EIPR1: variants seen among roughly 807,000 people sequenced by gnomAD.
EIPR1 encodes EARP and GARP complex-interacting protein 1.
In EIPR1, 25 loss-of-function variants were observed where a neutral mutation model predicts 48.1. The observed-to-expected ratio is 0.52, with a 90% CI of 0.38 to 0.73. The LOEUF (loss-of-function observed/expected upper bound fraction) is 0.73, where lower values mean the gene tolerates loss of function less well. Ranked by LOEUF, EIPR1 falls within the 30% of genes least tolerant of loss-of-function variation. The pLI, the probability that EIPR1 is intolerant of heterozygous loss-of-function variation, is 0.00. For missense variants in EIPR1, 415 were observed against 506.2 expected, an observed-to-expected ratio of 0.82 and a Z score of 1.73; for synonymous variants, 204 against 201.9, an observed-to-expected ratio of 1.01 and a Z score of -0.09.
At chr2:3,257,174 C>T (rs1252293150) in intron 4 of EIPR1, 125 bp downstream of exon 4, 3 of 1,126,330 alleles carry the variant, frequency 2.7e-6, no homozygotes, top group Non-Finnish European at 3.6e-6. Context: ...ATTCTCGCAG[C>T]TTTTTAAAAG....
chr2:3,246,239 A>G (rs905960601), intron 4 of EIPR1, among the ~76,000 whole-genome samples: 1 of 152,224 alleles, frequency 6.6e-6, no homozygotes, highest in Admixed American at 6.5e-5. Context: ...CAACATTTAC[A>G]AAATGGGAAG....
chr2:3,194,765 C>G (rs1407988689), intron 6 of EIPR1, among the ~76,000 whole-genome samples: 2 of 150,100 alleles, frequency 1.3e-5, no homozygotes, highest in Non-Finnish European at 3.0e-5. Context: ...TAGATATATA[C>G]AGAGAGAGAG....
chr2:3,288,458 C>T lies in EIPR1; in HGVS notation c.260-31003G>A, dbSNP rs575032589. 8.5e-5 allele frequency among the ~76,000 whole-genome samples: 13 copies of T among 152,230 alleles called. No homozygotes were observed. In the East Asian group the frequency reaches 9.6e-4, roughly 11 times the overall value. On this transcript the variant is annotated intron_variant, in intron 3 of 8. Coordinates refer to ENST00000382125, the MANE Select transcript of EIPR1 (RefSeq NM_003310.5). ...ACGTGGCTGGGGCTGCTGGGGTGTCCGGAAAGTTCTTTTGCTTCTCTGACA... is the reference window on the plus strand; with the variant it reads ...ACGTGGCTGGGGCTGCTGGGGTGTCTGGAAAGTTCTTTTGCTTCTCTGACA...
intron 3 of EIPR1, among the ~76,000 whole-genome samples, chr2:3,310,990 C>T (rs534550970): frequency 1.7e-4 from 26 of 152,130 alleles, no homozygotes; most frequent in African/African-American, 6.0e-4. Context: ...TACAAGACCC[C>T]GAGCAAACCA....
chr2:3,190,689 G>A (rs969864347), intron 8 of EIPR1, among the ~76,000 whole-genome samples: 1 of 152,140 alleles, frequency 6.6e-6, no homozygotes, highest in African/African-American at 2.4e-5. Context: ...CAGACTCCCT[G>A]GGCCACTGGC....
At chr2:3,205,105 A>T (rs1665184220) in intron 5 of EIPR1, among the ~76,000 whole-genome samples, 1 of 152,198 alleles carries the variant, frequency 6.6e-6, no homozygotes, top group South Asian at 2.1e-4. Flanking sequence ...CGCAGGACGT[A>T]TGAAGCACCT....
chr2:3,272,784 T>C (rs1436798959), intron 3 of EIPR1, among the ~76,000 whole-genome samples: 1 of 151,974 alleles, frequency 6.6e-6, no homozygotes, highest in Non-Finnish European at 1.5e-5. Flanking sequence ...ATTGAAAAAA[T>C]GGGCCAATAG....
At chr2:3,217,806 C>A (rs1665688441) in intron 4 of EIPR1, among the ~76,000 whole-genome samples, 3 of 152,162 alleles carry the variant, frequency 2.0e-5, no homozygotes, top group Admixed American at 6.5e-5. Flanking sequence ...TGGGCCCCAC[C>A]CGAGAATCTT....
At chr2:3,242,901 A>C (rs1317371927) in intron 4 of EIPR1, among the ~76,000 whole-genome samples, 1 of 152,234 alleles carries the variant, frequency 6.6e-6, no homozygotes, top group African/African-American at 2.4e-5. Context: ...ACGTGCAAGA[A>C]GTATAAAAAA....
At chr2:3,353,719 G>T (rs956416373) in intron 2 of EIPR1, among the ~76,000 whole-genome samples, 2 of 152,204 alleles carry the variant, frequency 1.3e-5, no homozygotes, top group Non-Finnish European at 2.9e-5. Context: ...CTCTAAGGAT[G>T]TATCACTGAA....
intron 3 of EIPR1, among the ~76,000 whole-genome samples, chr2:3,311,319 T>C (rs1669121360): frequency 6.6e-6 from 1 of 152,182 alleles, no homozygotes; most frequent in African/African-American, 2.4e-5. Flanking sequence ...AAATATACAA[T>C]AATTAGTAGT....
rs754817281 is a variant in EIPR1, at chr2:3,377,702, C to A, written c.-13G>T. The A allele has an allele frequency of 1.9e-6, 3 of 1,575,640 alleles. No homozygotes were observed. The South Asian group carries it at 3.5e-5, about 18-fold the overall frequency. On this transcript the variant is annotated 5_prime_UTR_variant, in exon 1 of 9. Transcript: ENST00000382125. ...CATCGTCCTCCATGCTGCGGGGAAG[C>A]GACCCGACCCCGGCCACTCACACGC... is the stretch of plus-strand genomic sequence containing the variant.
chr2:3,374,640 C>T (rs1572496910), intron 1 of EIPR1, among the ~76,000 whole-genome samples: 1 of 151,660 alleles, frequency 6.6e-6, no homozygotes, highest in South Asian at 2.1e-4. Flanking sequence ...TGCTCATCAT[C>T]ACTGGCCATC....
At chr2:3,300,157 C>G (rs1455235475) in intron 3 of EIPR1, among the ~76,000 whole-genome samples, 1 of 152,180 alleles carries the variant, frequency 6.6e-6, no homozygotes, top group African/African-American at 2.4e-5. Flanking sequence ...TGTGAAATCC[C>G]AAACAAGACT....
At chr2:3,196,793 GTGGCTCACCA>G (rs2103108513) in intron 6 of EIPR1, 78 bp downstream of exon 6, 5 of 1,520,088 alleles carry the variant, frequency 3.3e-6, no homozygotes, top group Non-Finnish European at 3.5e-6. Context: ...CCAAAGGCAT[GTGGCTCACCA>G]TCAGCTCCAC....
At chr2:3,256,975 T>C (rs1667175915) in intron 4 of EIPR1, among the ~76,000 whole-genome samples, 2 of 152,286 alleles carry the variant, frequency 1.3e-5, no homozygotes. Context: ...AATAAGTGCA[T>C]GCTGACCAAG....
At chr2:3,325,785 A>G (rs1406820802) in intron 3 of EIPR1, among the ~76,000 whole-genome samples, 2 of 152,234 alleles carry the variant, frequency 1.3e-5, no homozygotes, top group Non-Finnish European at 2.9e-5. Context: ...ATTTCAGGCT[A>G]TAAATCATGT....
At chr2:3,308,739 A>G (rs1052034597) in intron 3 of EIPR1, among the ~76,000 whole-genome samples, 1 of 152,212 alleles carries the variant, frequency 6.6e-6, no homozygotes, top group Admixed American at 6.5e-5. Flanking sequence ...AACTAAAGAC[A>G]AGAACGAAAA....
At chr2:3,343,702 C>A (rs904003654) in intron 2 of EIPR1, among the ~76,000 whole-genome samples, 1 of 152,132 alleles carries the variant, frequency 6.6e-6, no homozygotes, top group African/African-American at 2.4e-5. Flanking sequence ...ATCACCTCTC[C>A]CTCCTTTTCT....
Sources: gnomAD v4.1 joint callset for allele counts (sites outside exome capture counted in the v4.1 genomes callset) on GRCh38, gnomAD v4.1.1 for gene constraint, MANE v1.5 for transcripts, NCBI Gene and HGNC (gene_info 2026-07-23, HGNC 2026-07-21) for gene names.